PPARGC1B: variants seen among roughly 807,000 people sequenced by gnomAD.
PPARGC1B encodes peroxisome proliferator-activated receptor gamma coactivator 1-beta.
A neutral mutation model predicts 101.6 loss-of-function variants in PPARGC1B; 34 were observed. The ratio of observed to expected loss-of-function variants is 0.33; its 90% CI spans 0.25 to 0.45. The LOEUF (loss-of-function observed/expected upper bound fraction) is 0.45, where lower values mean the gene tolerates loss of function less well. Among genes scored for constraint, PPARGC1B ranks in the 20% least tolerant of loss-of-function variants. The pLI is 1.00. For synonymous variants in PPARGC1B, 548 were observed against 539.3 expected (o/e 1.02, Z -0.22); for missense variants, 1,234 against 1,317.6 (o/e 0.94, Z 0.98).
chr5:149,812,891 G>A (rs1369600003), intron 1 of PPARGC1B, among the ~76,000 whole-genome samples: 1 of 152,210 alleles, frequency 6.6e-6, no homozygotes, highest in East Asian at 1.9e-4. Flanking sequence ...AACTCGGTGG[G>A]CTTCCACCCA....
intron 1 of PPARGC1B, among the ~76,000 whole-genome samples, chr5:149,802,935 A>G (rs1757477643): frequency 6.6e-6 from 1 of 152,190 alleles, no homozygotes; most frequent in Admixed American, 6.5e-5. Context: ...GGGAGGAGCC[A>G]GCAGAGCTCC....
In PPARGC1B at chr5:149,821,702, C is replaced by T. The variant is rs139011363; in HGVS notation, c.252+1096C>T. The stretch of plus-strand genomic sequence containing the variant: ...ATGGATTTTATCATCCTTTTAGAAA[C>T]GTTTACCAAGCCCCCTATGTGTCAG... On this transcript the variant is annotated intron_variant, in intron 2 of 11. Coordinates refer to ENST00000309241, the MANE Select transcript of PPARGC1B (RefSeq NM_133263.4). 2.6e-4 allele frequency among the ~76,000 whole-genome samples: 40 copies of T among 152,254 alleles called. 1 individual carries two copies. The East Asian group carries it at 6.9e-3, about 26-fold the overall frequency.
intron 1 of PPARGC1B, among the ~76,000 whole-genome samples, chr5:149,743,247 C>T (rs1581002129): frequency 6.7e-6 from 1 of 149,794 alleles, no homozygotes; most frequent in South Asian, 2.1e-4. Context: ...CCTCTGCCTC[C>T]TGGGTTCAAC....
At position 149,845,870 on chromosome 5, in the gene PPARGC1B, A is replaced by G. The variant is rs921272474; in HGVS notation, c.2927A>G (p.Tyr976Cys). Residue 976 changes from tyrosine to cysteine, a missense_variant, in exon 11 of 12, where the codon TAC (tyrosine) becomes TGC (cysteine). Around this residue, in one of 3 missense-constraint regions of PPARGC1B, gnomAD observed 497 missense variants for 529.5 expected, o/e 0.94. Coordinates refer to ENST00000309241, the MANE Select transcript of PPARGC1B (RefSeq NM_133263.4). ...AACGAGCCCTCCTTCCAGCTGAGCT[A>G]CGGAGGGCTCCGGCACTTCTGCTGG... The part of the protein sequence containing the change: ...KRNEPSFQLS[Y>C]GGLRHFCWPR... The G allele has an allele frequency of 9.9e-6, 16 of 1,614,244 alleles. No homozygotes were observed. Among genetic ancestry groups the G allele is most frequent in the Non-Finnish European group, 1.3e-5 (15 of 1,180,042 alleles).
In PPARGC1B at chr5:149,836,498, G is replaced by A; in HGVS notation, c.2043G>A (p.Gln681=). ...CCCAGCCAGCCTCCCAGGCTGGCCA[G>A]AAGCGTCCCTTCTCCTGTTCCTTTG... The part of the protein sequence containing the change: ...ATAQPASQAG[Q]KRPFSCSFGD... Residue 681 remains glutamine, a synonymous_variant, in exon 8 of 12, where the codon CAG becomes CAA. Coordinates refer to ENST00000309241, the MANE Select transcript of PPARGC1B (RefSeq NM_133263.4). The A allele has an allele frequency of 6.2e-7, 1 of 1,614,088 alleles. No homozygotes were observed.
intron 1 of PPARGC1B, among the ~76,000 whole-genome samples, chr5:149,748,387 A>G (rs1377471040): frequency 6.6e-6 from 1 of 152,012 alleles, no homozygotes; most frequent in East Asian, 1.9e-4. Flanking sequence ...ATGTCTGAAG[A>G]GCTTAGTGCA....
chr5:149,772,403 G>GTTGCTGTGGTGT (rs1238799579), intron 1 of PPARGC1B, among the ~76,000 whole-genome samples: 2 of 152,222 alleles, frequency 1.3e-5, no homozygotes, highest in East Asian at 3.8e-4. Context: ...GCTGCATGGT[G>GTTGCTGTGGTGT]TTGCTGTGGT....
intron 1 of PPARGC1B, among the ~76,000 whole-genome samples, chr5:149,741,691 G>A (rs1278268160): frequency 3.3e-5 from 5 of 150,212 alleles, no homozygotes; most frequent in African/African-American, 1.2e-4. Flanking sequence ...GCAGTGGCGC[G>A]ATCTCAGCTC....
Position 149,847,671 on chromosome 5 carries a change from C to T in PPARGC1B, c.*113C>T, listed in dbSNP as rs1759622398. The T allele has an allele frequency of 4.0e-6, 3 of 750,760 alleles. No individual in the cohort carries two copies. The highest frequency in any genetic ancestry group is 1.7e-5 in the African/African-American group (1 of 57,154). 46.5% of individuals were successfully genotyped at this position (750,760 alleles called of 1,614,324 possible). A position where few individuals can be genotyped will look rare whatever the true frequency, so the allele number is the denominator to read the frequency against. On this transcript the variant is annotated 3_prime_UTR_variant, in exon 12 of 12. Transcript: ENST00000309241. ...AGGAGAGCGAGCGAGCGTGAGAGAA[C>T]ACCCGTGAGAGAGACTTGAAACTGC...
intron 1 of PPARGC1B, among the ~76,000 whole-genome samples, chr5:149,819,699 C>T (rs1173935604): frequency 3.3e-5 from 5 of 152,274 alleles, no homozygotes; most frequent in Middle Eastern, 3.4e-3. Context: ...GACGGGCTTT[C>T]GCCATGTTGG....
At position 149,832,571 on chromosome 5, in the gene PPARGC1B, T is replaced by C; in HGVS notation, c.583-85T>C. ...TTCCTATGATCCAGGTGAGACACAA[T>C]GGGCCAGCCAGTGACCATGCGGATG... On this transcript the variant is annotated intron_variant, in intron 4 of 11. Coordinates refer to ENST00000309241, the MANE Select transcript of PPARGC1B (RefSeq NM_133263.4). The surrounding 1 kb of genome is among the most constrained non-coding windows in gnomAD (Gnocchi z 4.9). The C allele has an allele frequency of 8.8e-7, 1 of 1,138,984 alleles. No homozygotes were observed. Among genetic ancestry groups the C allele is most frequent in the Non-Finnish European group, 1.2e-6 (1 of 807,298 alleles). 70.6% of individuals were successfully genotyped at this position (1,138,984 alleles called of 1,614,324 possible). A position where few individuals can be genotyped will look rare whatever the true frequency, so the allele number is the denominator to read the frequency against.
In PPARGC1B at chr5:149,844,584, A is replaced by G. The variant is rs1011593180; in HGVS notation, c.2817-1176A>G. ...AACCCGGAAGGCAGAGGCTACAGTG[A>G]GCTGGGATTGCGACCACTGCATTCC... On this transcript the variant is annotated intron_variant, in intron 10 of 11. Transcript: ENST00000309241. Among the ~76,000 whole-genome samples the G allele has an allele frequency of 2.6e-5, 4 of 152,230 alleles. No individual in the cohort carries two copies. The East Asian group carries it at 7.7e-4, about 29-fold the overall frequency.
At chr5:149,819,354 A>C (rs1402918746) in intron 1 of PPARGC1B, among the ~76,000 whole-genome samples, 15 of 152,106 alleles carry the variant, frequency 9.9e-5, no homozygotes, top group Admixed American at 9.2e-4. Context: ...TTCTTTACAC[A>C]TGTGGGGTTA....
intron 1 of PPARGC1B, among the ~76,000 whole-genome samples, chr5:149,758,906 A>G (rs1037497715): frequency 6.6e-5 from 10 of 152,214 alleles, no homozygotes; most frequent in African/African-American, 2.4e-4. Context: ...ATATAATCAT[A>G]TCTTTTCCTG....
chr5:149,797,512 CTTG>C (rs1315076919), intron 1 of PPARGC1B, among the ~76,000 whole-genome samples: 1 of 152,202 alleles, frequency 6.6e-6, no homozygotes, highest in African/African-American at 2.4e-5. Flanking sequence ...GCCACTAGCT[CTTG>C]TTATTTGTTA....
chr5:149,744,791 G>GAGTTTGTAGCTCGGCATTAGATA (rs1299686520), intron 1 of PPARGC1B, among the ~76,000 whole-genome samples: 2 of 152,202 alleles, frequency 1.3e-5, no homozygotes, highest in Non-Finnish European at 2.9e-5. Context: ...GTAGCACAAA[G>GAGTTTGTAGCTCGGCATTAGATA]AGTTTGTAGC....
chr5:149,778,007 C>A, intron 1 of PPARGC1B, among the ~76,000 whole-genome samples: 1 of 116,570 alleles, frequency 8.6e-6, no homozygotes, highest in African/African-American at 3.5e-5. Flanking sequence ...CCCCCTTCCC[C>A]CCCCCACAGA....
At position 149,851,456 on chromosome 5, in the gene PPARGC1B, A is replaced by G. The variant is rs551213566; in HGVS notation, c.*3898A>G. On this transcript the variant is annotated 3_prime_UTR_variant, in exon 12 of 12. Coordinates refer to ENST00000309241, the MANE Select transcript of PPARGC1B (RefSeq NM_133263.4). ...CCCAGAGGATGTATTGATCTGACTC[A>G]CTGATGTCAAAATTGCAGTATTTTT... 6.6e-6 allele frequency: 1 copy of G among 152,316 alleles called. No individual in the cohort carries two copies. The highest frequency in any genetic ancestry group is 1.5e-5 in the Non-Finnish European group (1 of 68,024). The allele number at this position is 152,316 out of a possible 1,614,324, so 9.4% of individuals were successfully genotyped here. A position where few individuals can be genotyped will look rare whatever the true frequency, so the allele number is the denominator to read the frequency against.
intron 9 of PPARGC1B, 112 bp downstream of exon 9, chr5:149,840,228 G>T: frequency 1.1e-6 from 1 of 946,230 alleles, no homozygotes; most frequent in East Asian, 2.6e-5. Flanking sequence ...CTCAGTCTTC[G>T]GCCTCTGCCT....
Sources: gnomAD v4.1 joint callset for allele counts (sites outside exome capture counted in the v4.1 genomes callset) on GRCh38, gnomAD v4.1.1 for gene constraint, gnomAD v4.1.1 regional missense constraint, Gnocchi (gnomAD v3.1) non-coding constraint, MANE v1.5 for transcripts, NCBI Gene and HGNC (gene_info 2026-07-23, HGNC 2026-07-21) for gene names.